The following ENAH variants were observed in gnomAD, a reference collection of about 807,000 sequenced individuals.
ENAH encodes the protein protein enabled homolog.
A neutral mutation model predicts 78.7 loss-of-function variants in ENAH; 23 were observed. The ratio of observed to expected loss-of-function variants is 0.29; its 90% CI spans 0.21 to 0.41. The LOEUF is 0.41. ENAH is among the 10% of genes least tolerant of loss of function. The pLI is 1.00. For missense variants in ENAH, 544 were observed against 691.0 expected, an observed-to-expected ratio of 0.79 and a Z score of 2.39; for synonymous variants, 226 against 241.0, an observed-to-expected ratio of 0.94 and a Z score of 0.58.
At chr1:225,571,941 A>G (rs72753039) in intron 1 of ENAH, among the ~76,000 whole-genome samples, 13,343 of 152,172 alleles carry the variant, frequency 0.088, 714 homozygotes, top group Non-Finnish European at 0.12. Flanking sequence ...ATAAATGGGT[A>G]ATAGTGAAGC....
rs1663325634 is a variant in ENAH at position 225,652,940 on chromosome 1, C to T, written c.-250G>A. ...AGAGGCCGAGGCGCGGAGCTGGTCCCCAGGCGGCCGCCGCCTCCCACCTCC... is the reference window on the plus strand; with the variant it reads ...AGAGGCCGAGGCGCGGAGCTGGTCCTCAGGCGGCCGCCGCCTCCCACCTCC... On this transcript the variant is annotated 5_prime_UTR_variant, in exon 1 of 14. Coordinates refer to ENST00000366843, the MANE Select transcript of ENAH (RefSeq NM_018212.6). 7 of 381,406 alleles carry T rather than the reference C, an allele frequency of 1.8e-5. No homozygotes were observed. The East Asian group carries it at 2.2e-4, about 12-fold the overall frequency. 23.6% of individuals were successfully genotyped at this position (381,406 alleles called of 1,614,324 possible).
chr1:225,638,885 G>T (rs1048204107), intron 1 of ENAH, among the ~76,000 whole-genome samples: 24 of 152,178 alleles, frequency 1.6e-4, no homozygotes, highest in African/African-American at 5.5e-4. Flanking sequence ...ATCAGACACA[G>T]AAGTTGCCAG....
intron 1 of ENAH, among the ~76,000 whole-genome samples, chr1:225,627,348 A>G (rs890807581): frequency 6.6e-6 from 1 of 152,214 alleles, no homozygotes; most frequent in African/African-American, 2.4e-5. Flanking sequence ...GTAAAAAATA[A>G]ATCTAGGAAT....
chr1:225,500,810 C>T (rs558479984), intron 12 of ENAH, among the ~76,000 whole-genome samples, 182 bp downstream of exon 12: 1 of 152,306 alleles, frequency 6.6e-6, no homozygotes, highest in Non-Finnish European at 1.5e-5. Flanking sequence ...CATGCAAACT[C>T]AATGAACCGG....
Position 225,492,751 on chromosome 1 carries a change from C to T in ENAH, c.*5024G>A, listed in dbSNP as rs1324985122. On this transcript the variant is annotated 3_prime_UTR_variant, in exon 14 of 14. Coordinates refer to ENST00000366843, the MANE Select transcript of ENAH (RefSeq NM_018212.6). ...ATCTGTAACGGGGACAGTCCTATTT[C>T]CCTTTCTCAATTTTCAGATGTATCG... is the stretch of plus-strand genomic sequence containing the variant. 1 of 152,174 alleles carries T rather than the reference C, an allele frequency of 6.6e-6. No individual in the cohort carries two copies. The highest frequency in any genetic ancestry group is 2.4e-5 in the African/African-American group (1 of 41,440). 9.4% of individuals were successfully genotyped at this position (152,174 alleles called of 1,614,324 possible).
At chr1:225,513,534 T>TA (rs536962492) in intron 7 of ENAH, among the ~76,000 whole-genome samples, 45 of 152,342 alleles carry the variant, frequency 3.0e-4, no homozygotes, top group African/African-American at 1.0e-3. Context: ...ATTTGAATAA[T>TA]ACATTTGTAG....
chr1:225,514,621 C>T lies in ENAH; in HGVS notation c.1193G>A (p.Gly398Glu), dbSNP rs145797306. The change falls in exon 7 of 14, where the codon GGA becomes GAA. Residue 398 changes from glycine to glutamate, a missense_variant. Transcript: ENST00000366843. Reference sequence around the variant, plus strand: ...CCGTGACACTTTCCTAAGTTTTGCTCCGGCAATTGCAGCTGCAAGTCCAGT... The same window carrying T: ...CCGTGACACTTTCCTAAGTTTTGCTTCGGCAATTGCAGCTGCAAGTCCAGT... The part of the protein sequence containing the change: ...PLTGLAAAIA[G>E]AKLRKVSRME... 72 of 1,611,972 alleles carry T rather than the reference C, an allele frequency of 4.5e-5. No homozygotes were observed. The highest frequency in any genetic ancestry group is 6.7e-5 in the East Asian group (3 of 44,868).
intron 1 of ENAH, among the ~76,000 whole-genome samples, chr1:225,635,308 T>C (rs938531200): frequency 1.3e-5 from 2 of 152,132 alleles, no homozygotes; most frequent in Non-Finnish European, 2.9e-5. Context: ...GCCTCCCAAA[T>C]TGCTGGGAAT....
rs56105983 is a variant in ENAH, at chr1:225,545,910, CTTTTT to C, written c.349+8991_349+8995del. ...CTCTAATGATTAGGACATCTGTAAACTTTTTTTTTTTTTTTTTTTTTTTTTTTAAA... is the reference window on the plus strand; with the variant it reads ...CTCTAATGATTAGGACATCTGTAAACTTTTTTTTTTTTTTTTTTTTTTAAA... On this transcript the variant is annotated intron_variant, in intron 3 of 13. Transcript: ENST00000366843. Among the ~76,000 whole-genome samples, 253 of 109,414 alleles carry C rather than the reference CTTTTT, an allele frequency of 2.3e-3. 1 individual carries two copies. The highest frequency in any genetic ancestry group is 0.023 in the Middle Eastern group (5 of 218). The allele number at this position is 109,414 out of a possible 152,430, so 71.8% of individuals were successfully genotyped here. A position where few individuals can be genotyped will look rare whatever the true frequency, so the allele number is the denominator to read the frequency against.
At chr1:225,621,354 G>A (rs1359762478) in intron 1 of ENAH, among the ~76,000 whole-genome samples, 1 of 150,286 alleles carries the variant, frequency 6.7e-6, no homozygotes, top group Non-Finnish European at 1.5e-5. Flanking sequence ...GTGCAGTGGC[G>A]GGATCTCGGC....
upstream of ENAH, among the ~76,000 whole-genome samples, chr1:225,653,544 C>A (rs1663455830): frequency 6.6e-6 from 1 of 151,726 alleles, no homozygotes; most frequent in Non-Finnish European, 1.5e-5. The surrounding 1 kb of genome is among the most constrained non-coding windows in gnomAD (Gnocchi z 4.3). Flanking sequence ...CGAGGCCTCC[C>A]CCACGGCCAC....
At chr1:225,582,165 T>C (rs544580350) in intron 1 of ENAH, among the ~76,000 whole-genome samples, 53 of 151,176 alleles carry the variant, frequency 3.5e-4, no homozygotes, top group South Asian at 1.0e-3. Context: ...CTTCCCCCCC[T>C]CTCTCTCTCT....
chr1:225,629,726 T>C (rs779164867), intron 1 of ENAH, among the ~76,000 whole-genome samples: 6 of 152,184 alleles, frequency 3.9e-5, no homozygotes, highest in African/African-American at 1.4e-4. Context: ...TATTCATCAA[T>C]TGGAAGTTAA....
At chr1:225,498,434 A>C (rs1184358350) in intron 12 of ENAH, 30 bp from the exon 13 acceptor site, 3 of 1,379,758 alleles carry the variant, frequency 2.2e-6, no homozygotes, top group Non-Finnish European at 3.1e-6. Context: ...TACCAGAAAT[A>C]CAGAACAAAA....
chr1:225,563,736 T>G (rs1045586524), intron 2 of ENAH, among the ~76,000 whole-genome samples: 2 of 152,196 alleles, frequency 1.3e-5, no homozygotes, highest in African/African-American at 4.8e-5. Flanking sequence ...GAAGACTGGC[T>G]CCTCTCCCAA....
chr1:225,551,709 T>G (rs990517001), intron 3 of ENAH, among the ~76,000 whole-genome samples: 2 of 152,218 alleles, frequency 1.3e-5, no homozygotes, highest in African/African-American at 2.4e-5. Context: ...TGGATAATAT[T>G]GATATTAGCA....
chr1:225,603,788 G>C (rs1309447336), intron 1 of ENAH, among the ~76,000 whole-genome samples: 3 of 152,126 alleles, frequency 2.0e-5, no homozygotes, highest in African/African-American at 7.2e-5. Context: ...CATCAGCCAA[G>C]ATACAAACTT....
intron 3 of ENAH, among the ~76,000 whole-genome samples, chr1:225,549,877 G>A (rs949731223): frequency 1.3e-5 from 2 of 151,996 alleles, no homozygotes; most frequent in Middle Eastern, 3.2e-3. Flanking sequence ...CTTTCTCACC[G>A]GTATTATTAC....
intron 1 of ENAH, among the ~76,000 whole-genome samples, chr1:225,591,132 G>A (rs777001180): frequency 7.9e-5 from 12 of 152,108 alleles, no homozygotes; most frequent in Non-Finnish European, 1.6e-4. Flanking sequence ...CAGAATCATT[G>A]GCACATGGAC....
Sources: gnomAD v4.1 joint callset for allele counts (sites outside exome capture counted in the v4.1 genomes callset) on GRCh38, gnomAD v4.1.1 for gene constraint, Gnocchi (gnomAD v3.1) non-coding constraint, MANE v1.5 for transcripts, NCBI Gene and HGNC (gene_info 2026-07-23, HGNC 2026-07-21) for gene names.